LRRC66: variants seen among roughly 807,000 people sequenced by gnomAD.
The protein encoded by LRRC66 is leucine rich repeat containing 66.
Under a neutral mutation model 24.6 loss-of-function variants are expected in LRRC66, and 29 were observed. The observed-to-expected ratio is 1.18, with a 90% CI of 0.88 to 1.61. The LOEUF (loss-of-function observed/expected upper bound fraction) is 1.61. Ranked by LOEUF, LRRC66 falls within the 40% of genes most tolerant of loss-of-function variation. The pLI, the probability that LRRC66 is intolerant of heterozygous loss-of-function variation, is 0.00. For synonymous variants in LRRC66, 411 were observed against 397.6 expected (o/e 1.03, Z -0.40); for missense variants, 1,124 against 1,058.0 (o/e 1.06, Z -0.87).
At chr4:51,996,301 C>CGT in intron 4 of LRRC66, 136 bp from the exon 5 acceptor site, 2 of 788,490 alleles carry the variant, frequency 2.5e-6, no homozygotes, top group Non-Finnish European at 3.9e-6. Flanking sequence ...GCCTGGAGCG[C>CGT]AGTGGCACAA....
At chr4:52,002,594 A>C (rs1211360537) in intron 3 of LRRC66, among the ~76,000 whole-genome samples, 2 of 152,236 alleles carry the variant, frequency 1.3e-5, no homozygotes, top group African/African-American at 4.8e-5. Context: ...GATTAACTGC[A>C]ACGCGCCAGA....
Position 52,017,182 on chromosome 4 carries a change from T to A in LRRC66, c.432A>T (p.Arg144Ser). The A allele has an allele frequency of 1.2e-6, 2 of 1,614,110 alleles. No homozygotes were observed. The highest frequency in any genetic ancestry group is 1.7e-6 in the Non-Finnish European group (2 of 1,179,976). The change falls in exon 2 of 5, where the codon AGA becomes AGT. Residue 144 changes from arginine (R) to serine (S), a missense_variant. Arg to Ser is a moderately radical substitution (Grantham distance 110). Coordinates refer to ENST00000682860, the MANE Select transcript of LRRC66 (RefSeq NM_001024611.3). ...SWVKRHRSSF[R>S]NRFPLLKVLI... ...GCACCTTCAGCAATGGAAACCTGTT[T>A]CTGAAGCTGCTTCTGTGGCGTTTCA...
At chr4:51,997,215 G>A (rs1432053410) in intron 4 of LRRC66, among the ~76,000 whole-genome samples, 4 of 152,186 alleles carry the variant, frequency 2.6e-5, no homozygotes, top group African/African-American at 4.8e-5. Context: ...AGAGGGGCAA[G>A]GAACAAATTA....
At position 52,020,355 on chromosome 4, in the gene LRRC66, T is replaced by C. The variant is rs541337398; in HGVS notation, c.-57A>G. Among the ~76,000 whole-genome samples, 11 of 152,280 alleles carry C rather than the reference T, an allele frequency of 7.2e-5. No individual in the cohort carries two copies. Among genetic ancestry groups the C allele is most frequent in the South Asian group, 4.1e-4 (2 of 4,820 alleles). On this transcript the variant is annotated 5_prime_UTR_variant, in exon 1 of 5. Transcript: ENST00000682860. Reference sequence around the variant, plus strand: ...GGGTGGATATCTGGATCAAGCCAGGTAGGGATTTAAGACCTGAACCTTTGA... The same window carrying C: ...GGGTGGATATCTGGATCAAGCCAGGCAGGGATTTAAGACCTGAACCTTTGA...
In LRRC66 at chr4:51,995,511, G is replaced by T. The variant is rs777531737; in HGVS notation, c.1511C>A (p.Ala504Glu). 3.7e-6 allele frequency: 6 copies of T among 1,614,030 alleles called. No homozygotes were observed. The highest frequency in any genetic ancestry group is 5.1e-6 in the Non-Finnish European group (6 of 1,180,044). The change falls in exon 5 of 5, where the codon GCA becomes GAA. Residue 504 changes from alanine (A) to glutamate (E), a missense_variant. By Grantham distance (107) the Ala-to-Glu change is moderately radical. Coordinates refer to ENST00000682860, the MANE Select transcript of LRRC66 (RefSeq NM_001024611.3). ...ATGTCTCTGGAGAATGGAATAGACTGCACCATCATTTCCACTTCCTGCCCC... is the reference window on the plus strand; with the variant it reads ...ATGTCTCTGGAGAATGGAATAGACTTCACCATCATTTCCACTTCCTGCCCC... ...NTGAGSGNDG[A>E]VYSILQRHPH... is the part of the protein sequence containing the mutation.
intron 2 of LRRC66, among the ~76,000 whole-genome samples, chr4:52,008,475 A>G (rs538928718): frequency 6.6e-6 from 1 of 152,032 alleles, no homozygotes; most frequent in East Asian, 1.9e-4. Context: ...TAAGATTAAA[A>G]GAAGAAATTA....
intron 3 of LRRC66, among the ~76,000 whole-genome samples, 177 bp from the exon 4 acceptor site, chr4:51,998,114 T>G (rs1044637632): frequency 3.3e-5 from 5 of 152,186 alleles, no homozygotes; most frequent in Non-Finnish European, 5.9e-5. Context: ...CTAAAAAGTT[T>G]ATGAGTCTTG....
rs200326071 is a variant in LRRC66 at position 51,995,424 on chromosome 4, A to G, written c.1598T>C (p.Ile533Thr). ...AGTTTCATAAGTCCATTCTCCGAGA[A>G]TATCATTCCTATGGATGTGGTCCTG... ...AAQDHIHRND[I>T]LGEWTYETVA... Residue 533 changes from isoleucine (I) to threonine (T), a missense_variant, in exon 5 of 5, where the codon ATT becomes ACT. Ile to Thr is a moderately conservative substitution (Grantham distance 89). Coordinates refer to ENST00000682860, the MANE Select transcript of LRRC66 (RefSeq NM_001024611.3). 5 of 1,614,062 alleles carry G rather than the reference A, an allele frequency of 3.1e-6. No individual in the cohort carries two copies. The highest frequency in any genetic ancestry group is 1.7e-5 in the Admixed American group (1 of 60,002).
intron 4 of LRRC66, among the ~76,000 whole-genome samples, chr4:51,996,467 G>C (rs1736321030): frequency 6.6e-6 from 1 of 151,862 alleles, no homozygotes; most frequent in Non-Finnish European, 1.5e-5. Context: ...ATGTTGCCAA[G>C]GCTGGTCTCA....
intron 3 of LRRC66, among the ~76,000 whole-genome samples, chr4:51,998,534 G>T (rs1375264840): frequency 6.6e-6 from 1 of 152,184 alleles, no homozygotes; most frequent in Admixed American, 6.5e-5. Context: ...TTACAGGCAC[G>T]CACCTGACCT....
intron 3 of LRRC66, among the ~76,000 whole-genome samples, chr4:51,999,726 C>T (rs1736405117): frequency 6.6e-6 from 1 of 152,022 alleles, no homozygotes; most frequent in South Asian, 2.1e-4. Context: ...TCAGGAGGAA[C>T]AATTTCTGAG....
chr4:51,995,901 T>G lies in LRRC66; in HGVS notation c.1121A>C (p.Asp374Ala). ...TGACAGGCACACCGCCAGAGCCAGG[T>G]CCTGGGGAGCGTCCTCTTTTTTGCC... ...AAGKKEDAPQ[D>A]LALAVCLSVF... is the part of the protein sequence containing the mutation. The change falls in exon 5 of 5, where the codon GAC (aspartate) becomes GCC (alanine). Residue 374 changes from aspartate to alanine, a missense_variant. Transcript: ENST00000682860. The G allele has an allele frequency of 6.2e-7, 1 of 1,614,090 alleles. No homozygotes were observed. The highest frequency in any genetic ancestry group is 1.3e-5 in the African/African-American group (1 of 75,026).
Position 52,017,305 on chromosome 4 carries a change from G to C in LRRC66, c.309C>G (p.Ser103Arg). Residue 103 changes from serine to arginine, a missense_variant, in exon 2 of 5, where the codon AGC (serine) becomes AGG (arginine). Transcript: ENST00000682860. Reference sequence around the variant, plus strand: ...CCAAAGCATGTAAATATGCAAAAGGGCTTAAGGTTATTTTTGATATGAGAT... The same window carrying C: ...CCAAAGCATGTAAATATGCAAAAGGCCTTAAGGTTATTTTTGATATGAGAT... ...SNNLISKITL[S>R]PFAYLHALEV... 6.2e-7 allele frequency: 1 copy of C among 1,614,128 alleles called. No individual in the cohort carries two copies. The highest frequency in any genetic ancestry group is 8.5e-7 in the Non-Finnish European group (1 of 1,179,998).
At position 51,994,198 on chromosome 4, in the gene LRRC66, AC is replaced by A; in HGVS notation, c.*180del. 1.6e-6 allele frequency: 1 copy of A among 608,122 alleles called. No individual in the cohort carries two copies. 37.7% of individuals were successfully genotyped at this position (608,122 alleles called of 1,614,324 possible). On this transcript the variant is annotated 3_prime_UTR_variant, in exon 5 of 5. Coordinates refer to ENST00000682860, the MANE Select transcript of LRRC66 (RefSeq NM_001024611.3). ...TGTTAACAAGTGTGTTTAGCTTATA[AC>A]CCTTCTAGAATCATCGCCCTCAAGT... is the stretch of plus-strand genomic sequence containing the variant.
At chr4:52,016,323 C>G (rs1736809998) in intron 2 of LRRC66, among the ~76,000 whole-genome samples, 1 of 151,948 alleles carries the variant, frequency 6.6e-6, no homozygotes, top group South Asian at 2.1e-4. Flanking sequence ...GAACAATAAC[C>G]TTATACATTT....
chr4:52,009,986 T>A (rs1217208121), intron 2 of LRRC66, among the ~76,000 whole-genome samples: 4 of 152,054 alleles, frequency 2.6e-5, no homozygotes, highest in Non-Finnish European at 4.4e-5. Context: ...AGACAATAAA[T>A]CATGACAAAA....
chr4:51,997,707 A>G (rs746489629), intron 4 of LRRC66, 41 bp downstream of exon 4: 7 of 1,556,252 alleles, frequency 4.5e-6, no homozygotes, highest in South Asian at 1.1e-5. Context: ...TGCATTTTTC[A>G]TTATAAATGG....
At chr4:52,008,182 A>T (rs1285290227) in intron 2 of LRRC66, among the ~76,000 whole-genome samples, 2 of 152,144 alleles carry the variant, frequency 1.3e-5, no homozygotes, top group Non-Finnish European at 2.9e-5. Context: ...GTCTGCAGAA[A>T]ATCCAGGTCA....
In LRRC66 at chr4:51,995,284, G is replaced by A. The variant is rs574372128; in HGVS notation, c.1738C>T (p.Leu580Phe). 1.2e-6 allele frequency: 2 copies of A among 1,614,194 alleles called. No homozygotes were observed. Among genetic ancestry groups the A allele is most frequent in the Non-Finnish European group, 1.7e-6 (2 of 1,180,040 alleles). ...AGGGAAGCTGTTATTTCTCCGGAGA[G>A]GGAAGGGTCTAATTCATTGGAATCA... ...RYDSNELDPS[L>F]SGEITASLCK... is the part of the protein sequence containing the mutation. Residue 580 changes from leucine to phenylalanine, a missense_variant, in exon 5 of 5, where the codon CTC becomes TTC. Coordinates refer to ENST00000682860, the MANE Select transcript of LRRC66 (RefSeq NM_001024611.3).
Sources: gnomAD v4.1 joint callset for allele counts (sites outside exome capture counted in the v4.1 genomes callset) on GRCh38, gnomAD v4.1.1 for gene constraint, MANE v1.5 for transcripts, NCBI Gene and HGNC (gene_info 2026-07-23, HGNC 2026-07-21) for gene names.